The following TAFA2 variants were observed in gnomAD, a reference collection of about 807,000 sequenced individuals.
The protein encoded by TAFA2 is TAFA chemokine like family member 2.
Under a neutral mutation model 18.8 loss-of-function variants are expected in TAFA2, and 7 were observed. That is an observed-to-expected ratio of 0.37 (90% CI 0.21 to 0.70). The LOEUF is 0.70. TAFA2 is among the 30% of genes least tolerant of loss of function. TAFA2 has a pLI of 0.53. For missense variants in TAFA2, 122 were observed against 158.1 expected (o/e 0.77, Z 1.23); for synonymous variants, 60 against 54.2 (o/e 1.11, Z -0.47).
intron 2 of TAFA2, among the ~76,000 whole-genome samples, chr12:61,759,187 G>A (rs1247043284): frequency 6.6e-6 from 1 of 151,932 alleles, no homozygotes. Flanking sequence ...TTTCTATTTT[G>A]CCTGACTAAA....
intron 2 of TAFA2, among the ~76,000 whole-genome samples, chr12:61,842,098 T>C (rs944890252): frequency 1.4e-4 from 22 of 151,966 alleles, no homozygotes; most frequent in Non-Finnish European, 1.6e-4. Flanking sequence ...CATTTTTTTT[T>C]CGCTCAAGAT....
At chr12:62,135,687 T>C (rs1870866684) in intron 1 of TAFA2, 1 of 152,134 alleles carries the variant, frequency 6.6e-6, no homozygotes, top group Non-Finnish European at 1.5e-5. Context: ...TGATTTACCA[T>C]CTCTGAATTA....
At chr12:61,835,894 C>A (rs1245546199) in intron 2 of TAFA2, among the ~76,000 whole-genome samples, 1 of 151,744 alleles carries the variant, frequency 6.6e-6, no homozygotes, top group African/African-American at 2.4e-5. Flanking sequence ...GAGACAGCAC[C>A]CACACTTAAG....
intron 1 of TAFA2, chr12:62,021,839 C>G: frequency 2.5e-6 from 2 of 803,162 alleles, no homozygotes; most frequent in Non-Finnish European, 4.5e-6. Flanking sequence ...TCAGGCCATC[C>G]ACAAAACTTC....
At chr12:61,970,775 A>G (rs1403961521) in intron 1 of TAFA2, among the ~76,000 whole-genome samples, 1 of 151,386 alleles carries the variant, frequency 6.6e-6, no homozygotes, top group Non-Finnish European at 1.5e-5. Context: ...AGAATCATCA[A>G]TGGACACCTA....
intron 1 of TAFA2, among the ~76,000 whole-genome samples, chr12:62,159,809 G>A (rs1364837774): frequency 6.6e-6 from 1 of 152,098 alleles, no homozygotes; most frequent in South Asian, 2.1e-4. Flanking sequence ...CACCACTAAA[G>A]AGCTTACTCA....
intron 2 of TAFA2, among the ~76,000 whole-genome samples, chr12:61,763,616 C>T (rs1007566837): frequency 1.3e-5 from 2 of 151,888 alleles, no homozygotes; most frequent in Admixed American, 6.6e-5. Flanking sequence ...AAATCCATCT[C>T]TTCAGAAATT....
At chr12:62,122,196 C>T (rs1284125376) in intron 1 of TAFA2, among the ~76,000 whole-genome samples, 1 of 152,134 alleles carries the variant, frequency 6.6e-6, no homozygotes, top group Non-Finnish European at 1.5e-5. Flanking sequence ...TGTAAAAAAC[C>T]TGCACTTGTA....
chr12:62,050,623 T>C (rs1301888821), intron 1 of TAFA2, among the ~76,000 whole-genome samples: 2 of 152,090 alleles, frequency 1.3e-5, no homozygotes, highest in Non-Finnish European at 2.9e-5. Flanking sequence ...TTCCCTTGTA[T>C]AACAAATGGT....
chr12:62,013,723 A>G (rs1192646893), intron 1 of TAFA2, among the ~76,000 whole-genome samples: 2 of 152,244 alleles, frequency 1.3e-5, no homozygotes, highest in Non-Finnish European at 2.9e-5. Context: ...TATTCACTCA[A>G]CTACTGAGGC....
intron 2 of TAFA2, among the ~76,000 whole-genome samples, chr12:61,856,008 A>G (rs1430044718): frequency 6.6e-6 from 1 of 152,068 alleles, no homozygotes; most frequent in East Asian, 1.9e-4. Context: ...AAAGACACAA[A>G]ACCCATGTCT....
upstream of TAFA2, among the ~76,000 whole-genome samples, chr12:62,195,748 T>A (rs996796207): frequency 6.6e-6 from 1 of 152,218 alleles, no homozygotes; most frequent in Non-Finnish European, 1.5e-5. Context: ...TTTCCATTTA[T>A]AAAACACAAG....
intron 1 of TAFA2, among the ~76,000 whole-genome samples, chr12:62,239,830 G>T (rs777089892): frequency 3.9e-5 from 6 of 152,160 alleles, no homozygotes; most frequent in Non-Finnish European, 7.3e-5. Flanking sequence ...TGAAGCAGAA[G>T]TGAGCTGTCC....
Position 62,225,027 on chromosome 12 carries a change from G to C in TAFA2, c.-130+33736C>G, listed in dbSNP as rs2062779959. Among the ~76,000 whole-genome samples, 4 of 152,208 alleles carry C rather than the reference G, an allele frequency of 2.6e-5. No homozygotes were observed. The South Asian group carries it at 8.3e-4, about 32-fold the overall frequency. ...GAGAATCACTTGAACCCAGGAGGCG[G>C]AGGTTACAGTGAGCTGAGATCACAC... On this transcript the variant is annotated intron_variant, in intron 1 of 5. Coordinates refer to the TAFA2 transcript ENST00000551619.
intron 1 of TAFA2, among the ~76,000 whole-genome samples, chr12:62,078,960 G>A (rs1592322251): frequency 6.6e-6 from 1 of 152,288 alleles, no homozygotes; most frequent in East Asian, 1.9e-4. Flanking sequence ...TTTGTCCCCT[G>A]GAGATCCATG....
intron 1 of TAFA2, chr12:62,235,158 G>A: frequency 1.5e-6 from 1 of 665,252 alleles, no homozygotes; most frequent in Non-Finnish European, 2.9e-6. Flanking sequence ...CTCTTGCTGA[G>A]GGGGAGACAC....
intron 2 of TAFA2, among the ~76,000 whole-genome samples, chr12:61,825,353 A>G (rs1872499949): frequency 6.6e-6 from 1 of 152,156 alleles, no homozygotes; most frequent in Non-Finnish European, 1.5e-5. Context: ...TAAAACCTGG[A>G]TTAAAGGGAA....
intron 1 of TAFA2, among the ~76,000 whole-genome samples, chr12:62,076,222 C>A (rs1226022032): frequency 6.6e-6 from 1 of 151,936 alleles, no homozygotes; most frequent in Non-Finnish European, 1.5e-5. Context: ...CTGGTATAAT[C>A]CATAGTATGC....
At chr12:62,024,972 G>A (rs1252575841) in intron 1 of TAFA2, among the ~76,000 whole-genome samples, 3 of 152,138 alleles carry the variant, frequency 2.0e-5, no homozygotes, top group Non-Finnish European at 4.4e-5. Flanking sequence ...TGGCAAGGCT[G>A]CAGAGAAAAG....
Sources: allele counts gnomAD v4.1 joint callset (sites outside exome capture counted in the v4.1 genomes callset), GRCh38; gene constraint gnomAD v4.1.1; transcripts MANE v1.5; gene names NCBI Gene and HGNC (gene_info 2026-07-23, HGNC 2026-07-21).